CTNNA2: variants seen among roughly 807,000 people sequenced by gnomAD.
CTNNA2 encodes catenin alpha 2.
A neutral mutation model predicts 101.0 loss-of-function variants in CTNNA2; 42 were observed. The ratio of observed to expected loss-of-function variants is 0.42; its 90% CI spans 0.32 to 0.54. The LOEUF (loss-of-function observed/expected upper bound fraction) is 0.54, where lower values mean the gene tolerates loss of function less well. CTNNA2 is among the 20% of genes least tolerant of loss of function. CTNNA2 has a pLI of 0.14. For synonymous variants in CTNNA2, 450 were observed against 456.4 expected, an observed-to-expected ratio of 0.99 and a Z score of 0.18; for missense variants, 871 against 1,223.1, an observed-to-expected ratio of 0.71 and a Z score of 4.29.
At chr2:79,534,581 T>A (rs1672941888) in intron 1 of CTNNA2, among the ~76,000 whole-genome samples, 1 of 152,114 alleles carries the variant, frequency 6.6e-6, no homozygotes, top group South Asian at 2.1e-4. Flanking sequence ...GAACGTTAGT[T>A]TATTATAAAA....
intron 7 of CTNNA2, among the ~76,000 whole-genome samples, chr2:80,371,630 A>T (rs1052018085): frequency 6.6e-6 from 1 of 151,688 alleles, no homozygotes; most frequent in Admixed American, 6.6e-5. Context: ...GAGAATGGGG[A>T]GCATTGTAGA....
intron 3 of CTNNA2, among the ~76,000 whole-genome samples, chr2:79,758,670 C>T (rs553704612): frequency 1.3e-5 from 2 of 152,272 alleles, no homozygotes; most frequent in East Asian, 3.9e-4. Flanking sequence ...ATGTTTAGCT[C>T]CCACTTACAA....
At chr2:80,116,902 AGTGTGTGTGTGTGTGTGTGT>A (rs112383959) in intron 7 of CTNNA2, among the ~76,000 whole-genome samples, 1 of 143,520 alleles carries the variant, frequency 7.0e-6, no homozygotes. Context: ...AGAAGAAAAT[AGTGTGTGTGTGTGTGTGTGT>A]GTGTGTGTGT....
At chr2:80,155,184 A>G (rs1472160049) in intron 7 of CTNNA2, among the ~76,000 whole-genome samples, 1 of 152,210 alleles carries the variant, frequency 6.6e-6, no homozygotes, top group Non-Finnish European at 1.5e-5. Context: ...GAAAAGAAAC[A>G]ATCTCTTGGA....
Position 80,240,286 on chromosome 2 carries a change from C to T in CTNNA2, c.1057-152925C>T, listed in dbSNP as rs540977512. 3.6e-4 allele frequency among the ~76,000 whole-genome samples: 55 copies of T among 152,322 alleles called. No homozygotes were observed. In the Middle Eastern group the frequency reaches 0.01, roughly 28 times the overall value. Reference sequence around the variant, plus strand: ...AACATAAGTCATCACTTGGCCTTGGCTTTAGGATATCTTAGAGAATACACA... The same window carrying T: ...AACATAAGTCATCACTTGGCCTTGGTTTTAGGATATCTTAGAGAATACACA... On this transcript the variant is annotated intron_variant, in intron 7 of 18. Coordinates refer to ENST00000402739, the MANE Select transcript of CTNNA2 (RefSeq NM_001282597.3).
intron 7 of CTNNA2, among the ~76,000 whole-genome samples, chr2:80,038,317 G>GA (rs34177810): frequency 0.011 from 1,658 of 151,538 alleles, 37 homozygotes; most frequent in African/African-American, 0.038. Context: ...TATAATTAAA[G>GA]AAAAAAAAAC....
At chr2:79,750,514 G>A (rs1236705126) in intron 3 of CTNNA2, among the ~76,000 whole-genome samples, 2 of 152,220 alleles carry the variant, frequency 1.3e-5, no homozygotes, top group African/African-American at 2.4e-5. Flanking sequence ...ACATTTGGCA[G>A]CTGATAACAG....
intron 3 of CTNNA2, among the ~76,000 whole-genome samples, chr2:79,357,092 C>A (rs1019819079): frequency 6.6e-6 from 1 of 152,008 alleles, no homozygotes; most frequent in Non-Finnish European, 1.5e-5. Context: ...TCTGGGAGAC[C>A]AAGGCAGGAG....
At chr2:79,858,319 A>T in intron 4 of CTNNA2, 140 bp downstream of exon 4, 4 of 462,980 alleles carry the variant, frequency 8.6e-6, no homozygotes, top group Middle Eastern at 5.7e-4. Flanking sequence ...GCCCACGTCC[A>T]ATTTTTTCTA....
chr2:79,429,309 A>C lies in CTNNA2; in HGVS notation c.-135+55296A>C, dbSNP rs139986659. Among the ~76,000 whole-genome samples, 231 of 152,198 alleles carry C rather than the reference A, an allele frequency of 1.5e-3. 2 individuals are homozygous for C. Among genetic ancestry groups the C allele is most frequent in the African/African-American group, 5.4e-3 (224 of 41,532 alleles). ...AGTTTTTAGGTCTATGACTATTGCA[A>C]ACAATTCCTTAAAACCTCAGTTTCC... On this transcript the variant is annotated intron_variant, in intron 4 of 21. Coordinates refer to the CTNNA2 transcript ENST00000466387.
chr2:79,326,825 T>C (rs12373675), intron 3 of CTNNA2, among the ~76,000 whole-genome samples: 7,896 of 152,226 alleles, frequency 0.052, 294 homozygotes, highest in Middle Eastern at 0.14. Flanking sequence ...ACAAGGTCCA[T>C]GGTGATCCTA....
intron 2 of CTNNA2, among the ~76,000 whole-genome samples, chr2:79,217,434 C>A (rs933238905): frequency 6.6e-6 from 1 of 151,498 alleles, no homozygotes; most frequent in Non-Finnish European, 1.5e-5. Context: ...AGAGGTGGGG[C>A]CGTTTTATAA....
chr2:79,727,990 G>C (rs1225349036), intron 2 of CTNNA2, among the ~76,000 whole-genome samples: 1 of 151,882 alleles, frequency 6.6e-6, no homozygotes, highest in Non-Finnish European at 1.5e-5. Context: ...TTGGACATTT[G>C]GGTTGGTTCC....
At chr2:80,235,887 A>T in intron 7 of CTNNA2, among the ~76,000 whole-genome samples, 1 of 152,092 alleles carries the variant, frequency 6.6e-6, no homozygotes, top group Non-Finnish European at 1.5e-5. Flanking sequence ...GGGGTTTGTT[A>T]TACAGATTAT....
At chr2:80,061,829 G>A (rs1697620050) in intron 7 of CTNNA2, among the ~76,000 whole-genome samples, 1 of 152,180 alleles carries the variant, frequency 6.6e-6, no homozygotes, top group South Asian at 2.1e-4. Flanking sequence ...ATAGATGAGT[G>A]AATGAGGGAA....
At chr2:80,066,088 C>A (rs1380614841) in intron 7 of CTNNA2, among the ~76,000 whole-genome samples, 4 of 152,176 alleles carry the variant, frequency 2.6e-5, no homozygotes, top group African/African-American at 9.7e-5. Flanking sequence ...TGATCCCTGC[C>A]TTATGGCATC....
At chr2:79,247,281 T>G (rs773257635) in intron 2 of CTNNA2, among the ~76,000 whole-genome samples, 5 of 152,234 alleles carry the variant, frequency 3.3e-5, no homozygotes, top group African/African-American at 7.2e-5. Flanking sequence ...ACTGTTAATT[T>G]GAATAATTTT....
At chr2:80,320,867 C>A (rs1172235663) in intron 7 of CTNNA2, among the ~76,000 whole-genome samples, 6 of 152,062 alleles carry the variant, frequency 3.9e-5, no homozygotes, top group Non-Finnish European at 7.4e-5. Flanking sequence ...CCAATTATTT[C>A]TCAATTTTTT....
At chr2:80,375,651 G>T (rs963770118) in intron 7 of CTNNA2, among the ~76,000 whole-genome samples, 1 of 139,526 alleles carries the variant, frequency 7.2e-6, no homozygotes, top group Non-Finnish European at 1.5e-5. Flanking sequence ...TGCAAGCTCC[G>T]CCTCCCAGGT....
Sources: gnomAD v4.1 joint callset for allele counts (sites outside exome capture counted in the v4.1 genomes callset) on GRCh38, gnomAD v4.1.1 for gene constraint, MANE v1.5 for transcripts, NCBI Gene and HGNC (gene_info 2026-07-23, HGNC 2026-07-21) for gene names.